The following DPT variants were observed in gnomAD, a reference collection of about 807,000 sequenced individuals.
DPT encodes tyrosine-rich acidic matrix protein.
Under a neutral mutation model 31.2 loss-of-function variants are expected in DPT, and 21 were observed. That is an observed-to-expected ratio of 0.67 (90% CI 0.48 to 0.97). DPT has a LOEUF of 0.97. DPT is among the 50% of genes least tolerant of loss of function. DPT has a pLI of 0.00. For synonymous variants in DPT, 91 were observed against 86.9 expected (o/e 1.05, Z -0.26); for missense variants, 262 against 258.8 (o/e 1.01, Z -0.08).
rs936327950 is a variant in DPT, at chr1:168,696,726, G to A, written c.540-111C>T. ...CATTTGGAGGATCTGGGAACTGAAG[G>A]GACACTTAATCTCACTTTGCTCTTA... On this transcript the variant is annotated intron_variant, in intron 3 of 3. Coordinates refer to ENST00000367817, the MANE Select transcript of DPT (RefSeq NM_001937.5). The A allele has an allele frequency of 6.3e-6, 6 of 954,122 alleles. No homozygotes were observed. The African/African-American group carries it at 6.6e-5, about 10-fold the overall frequency. 59.1% of individuals were successfully genotyped at this position (954,122 alleles called of 1,614,324 possible).
intron 1 of DPT, among the ~76,000 whole-genome samples, chr1:168,716,207 A>G (rs924264287): frequency 6.6e-6 from 1 of 152,208 alleles, no homozygotes; most frequent in African/African-American, 2.4e-5. Flanking sequence ...CACCTAATGT[A>G]TATAATTCAA....
chr1:168,716,022 C>T (rs1649978965), intron 1 of DPT, among the ~76,000 whole-genome samples: 1 of 152,168 alleles, frequency 6.6e-6, no homozygotes, highest in South Asian at 2.1e-4. Flanking sequence ...TGAGAGAGGC[C>T]TTGTTGACAC....
At chr1:168,722,812 T>C (rs779457342) in intron 1 of DPT, among the ~76,000 whole-genome samples, 3 of 151,300 alleles carry the variant, frequency 2.0e-5, no homozygotes, top group Non-Finnish European at 4.4e-5. Context: ...GACTCTAAAC[T>C]TCATTAACTT....
At chr1:168,719,405 A>G (rs1240890352) in intron 1 of DPT, among the ~76,000 whole-genome samples, 4 of 152,190 alleles carry the variant, frequency 2.6e-5, no homozygotes, top group Non-Finnish European at 5.9e-5. Flanking sequence ...GTGAGAAGAG[A>G]GGCAACTTCT....
intron 1 of DPT, among the ~76,000 whole-genome samples, chr1:168,717,541 C>T (rs945569685): frequency 1.3e-5 from 2 of 152,178 alleles, no homozygotes; most frequent in Non-Finnish European, 2.9e-5. Context: ...TTTTGGTATG[C>T]ACATGCTCTT....
At chr1:168,703,677 T>G (rs569497026) in intron 2 of DPT, among the ~76,000 whole-genome samples, 1 of 152,276 alleles carries the variant, frequency 6.6e-6, no homozygotes, top group East Asian at 1.9e-4. Flanking sequence ...TGGGATTGAG[T>G]TTAGACTGTC....
intron 2 of DPT, among the ~76,000 whole-genome samples, chr1:168,713,703 C>T (rs1214603863): frequency 2.6e-5 from 4 of 152,138 alleles, no homozygotes; most frequent in Non-Finnish European, 5.9e-5. Flanking sequence ...CAAATGGATC[C>T]AGAAAACAGC....
intron 1 of DPT, among the ~76,000 whole-genome samples, chr1:168,716,637 A>G (rs1311581582): frequency 2.0e-5 from 3 of 152,184 alleles, no homozygotes; most frequent in Non-Finnish European, 4.4e-5. Context: ...TGCTGCACCT[A>G]TCAACCTGTC....
intron 1 of DPT, among the ~76,000 whole-genome samples, chr1:168,719,949 C>A: frequency 6.6e-6 from 1 of 152,140 alleles, no homozygotes; most frequent in East Asian, 1.9e-4. Context: ...ATTTGTGAAC[C>A]TATTCTGAGA....
At chr1:168,708,671 A>G (rs113881047) in intron 2 of DPT, among the ~76,000 whole-genome samples, 10 of 152,296 alleles carry the variant, frequency 6.6e-5, no homozygotes, top group African/African-American at 2.4e-4. Flanking sequence ...GCACCTGTTA[A>G]CTAACATTAG....
At chr1:168,725,879 A>T (rs1287906845) in intron 1 of DPT, among the ~76,000 whole-genome samples, 1 of 152,222 alleles carries the variant, frequency 6.6e-6, no homozygotes, top group South Asian at 2.1e-4. Context: ...AAGGCAGCCC[A>T]ACTGCACAAA....
At chr1:168,698,694 AGAATGCAAAG>A (rs1281407231) in intron 3 of DPT, among the ~76,000 whole-genome samples, 1 of 152,186 alleles carries the variant, frequency 6.6e-6, no homozygotes, top group Non-Finnish European at 1.5e-5. Flanking sequence ...CTAAACATCT[AGAATGCAAAG>A]GACAGACCCT....
Position 168,729,092 on chromosome 1 carries a change from T to A in DPT, c.83A>T (p.Gln28Leu), listed in dbSNP as rs752067919. ...GQYGDYGYPY[Q>L]QYHDYSDDGW... ...ATCATCGCTGTAGTCATGATACTGC[T>A]GGTATGGGTATCCATAATCGCCATA... The change falls in exon 1 of 4, where the codon CAG becomes CTG. Residue 28 changes from glutamine (Q) to leucine (L), a missense_variant. Coordinates refer to ENST00000367817, the MANE Select transcript of DPT (RefSeq NM_001937.5). 4 of 1,614,244 alleles carry A rather than the reference T, an allele frequency of 2.5e-6. No homozygotes were observed. The highest frequency in any genetic ancestry group is 3.4e-6 in the Non-Finnish European group (4 of 1,180,050).
chr1:168,705,502 T>A (rs1316373339), intron 2 of DPT, among the ~76,000 whole-genome samples: 3 of 152,162 alleles, frequency 2.0e-5, no homozygotes, highest in Non-Finnish European at 4.4e-5. Flanking sequence ...AGCATTTACA[T>A]ATGAACAGAT....
Position 168,696,112 on chromosome 1 carries a change from A to G in DPT, c.*437T>C. 5.0e-6 allele frequency: 2 copies of G among 403,324 alleles called. No individual in the cohort carries two copies. 25.0% of individuals were successfully genotyped at this position (403,324 alleles called of 1,614,324 possible). ...AAAGCCTGCTTTTGGTGGGGAACCT[A>G]CGTATCATTCAAACAGGCTTAGCTG... On this transcript the variant is annotated 3_prime_UTR_variant, in exon 4 of 4. Coordinates refer to ENST00000367817, the MANE Select transcript of DPT (RefSeq NM_001937.5).
At chr1:168,719,789 G>A (rs1650061979) in intron 1 of DPT, among the ~76,000 whole-genome samples, 1 of 87,810 alleles carries the variant, frequency 1.1e-5, no homozygotes. Flanking sequence ...CATCTGAGAA[G>A]ACATACTTTT....
At chr1:168,699,061 A>G (rs6681180) in intron 3 of DPT, among the ~76,000 whole-genome samples, 20,726 of 152,146 alleles carry the variant, frequency 0.14, 1,727 homozygotes, top group African/African-American at 0.24. Context: ...AAAATTTACT[A>G]AAAAGTGAAT....
chr1:168,720,539 A>G (rs1233269171), intron 1 of DPT, among the ~76,000 whole-genome samples: 1 of 152,198 alleles, frequency 6.6e-6, no homozygotes, highest in South Asian at 2.1e-4. Flanking sequence ...AAGCAGCACC[A>G]TCTTGGTCAA....
At chr1:168,724,962 C>T (rs1221014591) in intron 1 of DPT, among the ~76,000 whole-genome samples, 1 of 152,144 alleles carries the variant, frequency 6.6e-6, no homozygotes, top group African/African-American at 2.4e-5. Context: ...AAAGTAGATA[C>T]CAATAAATGG....
Sources: allele counts gnomAD v4.1 joint callset (sites outside exome capture counted in the v4.1 genomes callset), GRCh38; gene constraint gnomAD v4.1.1; transcripts MANE v1.5; gene names NCBI Gene and HGNC (gene_info 2026-07-23, HGNC 2026-07-21).